The following ZC3HAV1 variants were observed in gnomAD, a reference collection of about 807,000 sequenced individuals.
ZC3HAV1 encodes zinc finger CCCH-type containing, antiviral 1.
In ZC3HAV1, 41 loss-of-function variants were observed where a neutral mutation model predicts 86.6. That is an observed-to-expected ratio of 0.47 (90% CI 0.37 to 0.61). The LOEUF is 0.61. ZC3HAV1 is among the 20% of genes least tolerant of loss of function. The pLI is 0.00. For synonymous variants in ZC3HAV1, 421 were observed against 432.1 expected, an observed-to-expected ratio of 0.97 and a Z score of 0.32; for missense variants, 964 against 1,141.1, an observed-to-expected ratio of 0.84 and a Z score of 2.24.
At chr7:139,053,277 T>C (rs1358073369) in intron 12 of ZC3HAV1, among the ~76,000 whole-genome samples, 174 bp downstream of exon 12, 1 of 152,212 alleles carries the variant, frequency 6.6e-6, no homozygotes, top group African/African-American at 2.4e-5. Context: ...CCAAGTCAAC[T>C]GATTCACTCT....
chr7:139,077,679 G>C (rs940869212), intron 5 of ZC3HAV1, among the ~76,000 whole-genome samples: 1 of 152,170 alleles, frequency 6.6e-6, no homozygotes, highest in Non-Finnish European at 1.5e-5. Flanking sequence ...CAGGAATGCC[G>C]GCTGAAGAAT....
At chr7:139,051,914 C>T (rs1324105529) in intron 12 of ZC3HAV1, among the ~76,000 whole-genome samples, 1 of 151,688 alleles carries the variant, frequency 6.6e-6, no homozygotes, top group Non-Finnish European at 1.5e-5. Flanking sequence ...GTTGAACTCA[C>T]TTTGAATCTG....
intron 2 of ZC3HAV1, among the ~76,000 whole-genome samples, chr7:139,085,619 C>G (rs1347186894): frequency 1.3e-5 from 2 of 152,170 alleles, no homozygotes; most frequent in African/African-American, 2.4e-5. Context: ...CCATCTCACA[C>G]CCCCTAAACC....
chr7:139,103,277 T>A lies in ZC3HAV1; in HGVS notation c.308+5747A>T, dbSNP rs192240507. Reference sequence around the variant, plus strand: ...TTTTTATTTTTTTATTTTTTTATTTTTTTTTTATTTTTTGATGGGGTCTCA... The same window carrying A: ...TTTTTATTTTTTTATTTTTTTATTTATTTTTTATTTTTTGATGGGGTCTCA... On this transcript the variant is annotated intron_variant, in intron 1 of 12. Coordinates refer to ENST00000242351, the MANE Select transcript of ZC3HAV1 (RefSeq NM_020119.4). Among the ~76,000 whole-genome samples, 568 of 150,658 alleles carry A rather than the reference T, an allele frequency of 3.8e-3. 3 individuals are homozygous for A. The highest frequency in any genetic ancestry group is 0.013 in the African/African-American group (527 of 41,388).
Position 139,083,808 on chromosome 7 carries a change from G to C in ZC3HAV1, c.669C>G (p.His223Gln). The change falls in exon 3 of 13, where the codon CAC becomes CAG. Residue 223 changes from histidine to glutamine, a missense_variant. His to Gln is a conservative substitution (Grantham distance 24). Transcript: ENST00000242351. Reference sequence around the variant, plus strand: ...TGGGCCCTGGGGGATTCTTCTGCATGTGCTTGCTGTTGCAGATGTCCTGGA... The same window carrying C: ...TGGGCCCTGGGGGATTCTTCTGCATCTGCTTGCTGTTGCAGATGTCCTGGA... ...QNIQDICNSK[H>Q]MQKNPPGPRA... is the part of the protein sequence containing the mutation. 1 of 1,613,072 alleles carries C rather than the reference G, an allele frequency of 6.2e-7. No homozygotes were observed. Among genetic ancestry groups the C allele is most frequent in the Non-Finnish European group, 8.5e-7 (1 of 1,179,414 alleles).
At chr7:139,090,314 C>G (rs1817394054) in intron 1 of ZC3HAV1, among the ~76,000 whole-genome samples, 1 of 152,116 alleles carries the variant, frequency 6.6e-6, no homozygotes, top group African/African-American at 2.4e-5. Context: ...GTGTGCTTAA[C>G]TATTCTTTTC....
At chr7:139,088,673 T>C (rs1817345351) in intron 2 of ZC3HAV1, among the ~76,000 whole-genome samples, 1 of 152,218 alleles carries the variant, frequency 6.6e-6, no homozygotes, top group Admixed American at 6.5e-5. Context: ...TGGCAAATCT[T>C]TTCCATAAAG....
chr7:139,097,659 C>A (rs943857747), intron 1 of ZC3HAV1, among the ~76,000 whole-genome samples: 4 of 151,332 alleles, frequency 2.6e-5, no homozygotes, highest in African/African-American at 9.7e-5. Context: ...TGGTCTGGAT[C>A]TCCTGACCTC....
intron 7 of ZC3HAV1, among the ~76,000 whole-genome samples, chr7:139,071,591 T>A (rs1277405398): frequency 6.6e-6 from 1 of 152,252 alleles, no homozygotes; most frequent in East Asian, 1.9e-4. Flanking sequence ...ATCGCTTATT[T>A]GACATCATCC....
rs781053530 is a variant in ZC3HAV1, at chr7:139,064,866, C to G, written c.1993+13G>C. ...TTCAATGACACACAACACTGCCAAACACAGAAACCCACCTTGGAAACTCAG... is the reference window on the plus strand; with the variant it reads ...TTCAATGACACACAACACTGCCAAAGACAGAAACCCACCTTGGAAACTCAG... On this transcript the variant is annotated intron_variant, in intron 8 of 12. Coordinates refer to ENST00000242351, the MANE Select transcript of ZC3HAV1 (RefSeq NM_020119.4). 4.3e-6 allele frequency: 7 copies of G among 1,614,080 alleles called. No homozygotes were observed. Among genetic ancestry groups the G allele is most frequent in the Non-Finnish European group, 5.9e-6 (7 of 1,179,950 alleles).
At chr7:139,103,804 A>G (rs1346034806) in intron 1 of ZC3HAV1, among the ~76,000 whole-genome samples, 1 of 152,246 alleles carries the variant, frequency 6.6e-6, no homozygotes, top group Admixed American at 6.5e-5. Flanking sequence ...TCAACTGTTA[A>G]AATGAATAAA....
rs201331414 is a variant in ZC3HAV1, at chr7:139,080,247, A to G, written c.698-4T>C. On this transcript the variant is annotated splice_region_variant and splice_polypyrimidine_tract_variant and intron_variant, in intron 3 of 12. Coordinates refer to ENST00000242351, the MANE Select transcript of ZC3HAV1 (RefSeq NM_020119.4). ...TTTCTACGATGTGAAGAAGGAGCTA[A>G]GGGGAAAAAAAGCCAAAATGAAACA... 6.2e-7 allele frequency: 1 copy of G among 1,612,958 alleles called. No individual in the cohort carries two copies. Among genetic ancestry groups the G allele is most frequent in the Non-Finnish European group, 8.5e-7 (1 of 1,180,008 alleles).
At chr7:139,050,581 G>T (rs1816094212) in intron 12 of ZC3HAV1, among the ~76,000 whole-genome samples, 1 of 152,116 alleles carries the variant, frequency 6.6e-6, no homozygotes, top group Admixed American at 6.6e-5. Context: ...TGTTGGTCAG[G>T]CTGGTCTCAA....
rs1242907635 is a variant in ZC3HAV1, at chr7:139,083,806, A to C, written c.671T>G (p.Met224Arg). 5.6e-6 allele frequency: 9 copies of C among 1,612,644 alleles called. No homozygotes were observed. The highest frequency in any genetic ancestry group is 1.3e-5 in the African/African-American group (1 of 74,646). The change falls in exon 3 of 13, where the codon ATG (methionine) becomes AGG (arginine). Residue 224 changes from methionine to arginine, a missense_variant. Met to Arg is a moderately conservative substitution (Grantham distance 91, BLOSUM62 -1). Transcript: ENST00000242351. ...NIQDICNSKH[M>R]QKNPPGPRAP... ...TCTGGGCCCTGGGGGATTCTTCTGCATGTGCTTGCTGTTGCAGATGTCCTG... is the reference window on the plus strand; with the variant it reads ...TCTGGGCCCTGGGGGATTCTTCTGCCTGTGCTTGCTGTTGCAGATGTCCTG...
intron 7 of ZC3HAV1, among the ~76,000 whole-genome samples, chr7:139,072,116 T>C (rs1484547136): frequency 6.6e-6 from 1 of 152,166 alleles, no homozygotes; most frequent in Non-Finnish European, 1.5e-5. Context: ...TTAAAAGTAA[T>C]TACCACCAAC....
Position 139,053,999 on chromosome 7 carries a change from T to A in ZC3HAV1, c.2284A>T (p.Ile762Phe). 6.2e-7 allele frequency: 1 copy of A among 1,607,138 alleles called. No homozygotes were observed. The highest frequency in any genetic ancestry group is 1.1e-5 in the South Asian group (1 of 88,744). Residue 762 changes from isoleucine (I) to phenylalanine (F), a missense_variant, in exon 11 of 13, where the codon ATC becomes TTC. Physicochemically the swap from Ile to Phe is conservative, Grantham distance 21. Transcript: ENST00000242351. ...KNFKIEKIKK[I>F]ENSELLDKFT... ...TTATCCAGGAGCTCTGAGTTCTCGA[T>A]CTTCTTTATCTTTTCAATCTTGAAA...
At chr7:139,051,699 C>T (rs1426735985) in intron 12 of ZC3HAV1, among the ~76,000 whole-genome samples, 1 of 152,218 alleles carries the variant, frequency 6.6e-6, no homozygotes, top group African/African-American at 2.4e-5. Flanking sequence ...ACAGGAATTA[C>T]AGGTCTAAGC....
intron 1 of ZC3HAV1, among the ~76,000 whole-genome samples, chr7:139,101,530 G>T (rs1335854543): frequency 2.7e-5 from 3 of 109,740 alleles, no homozygotes; most frequent in Admixed American, 1.1e-4. Context: ...AGCTCATTGA[G>T]AACGGGCCAT....
intron 9 of ZC3HAV1, among the ~76,000 whole-genome samples, chr7:139,059,057 C>A (rs982394768): frequency 6.6e-6 from 1 of 152,090 alleles, no homozygotes; most frequent in African/African-American, 2.4e-5. Flanking sequence ...AGTTCCAACA[C>A]ACTTTTGTGA....
Sources: gnomAD v4.1 joint callset for allele counts (sites outside exome capture counted in the v4.1 genomes callset) on GRCh38, gnomAD v4.1.1 for gene constraint, MANE v1.5 for transcripts, NCBI Gene and HGNC (gene_info 2026-07-23, HGNC 2026-07-21) for gene names.